RFTN1: variants seen among roughly 807,000 people sequenced by gnomAD.
RFTN1 encodes the protein raftlin, lipid raft linker 1, also known as raftlin.
RFTN1 carries 26 observed loss-of-function variants against 46.5 expected under a neutral mutation model. The ratio of observed to expected loss-of-function variants is 0.56; its 90% CI spans 0.41 to 0.78. The LOEUF (loss-of-function observed/expected upper bound fraction) is 0.78. Ranked by LOEUF, RFTN1 falls within the 30% of genes least tolerant of loss-of-function variation. The pLI is 0.00. For missense variants in RFTN1, 693 were observed against 718.7 expected (o/e 0.96, Z 0.41); for synonymous variants, 261 against 284.2 (o/e 0.92, Z 0.82).
intron 6 of RFTN1, among the ~76,000 whole-genome samples, chr3:16,367,100 C>T (rs2073233433): frequency 6.6e-6 from 1 of 152,246 alleles, no homozygotes; most frequent in South Asian, 2.1e-4. Context: ...ACACAGTTCT[C>T]ATGAGCTTTA....
Position 16,356,184 on chromosome 3 carries a change from G to C in RFTN1, c.1146+1748C>G, listed in dbSNP as rs1341894698. Among the ~76,000 whole-genome samples, 2 of 152,182 alleles carry C rather than the reference G, an allele frequency of 1.3e-5. No homozygotes were observed. Among genetic ancestry groups the C allele is most frequent in the Non-Finnish European group, 2.9e-5 (2 of 68,032 alleles). On this transcript the variant is annotated intron_variant, in intron 7 of 9. Coordinates refer to ENST00000334133, the MANE Select transcript of RFTN1 (RefSeq NM_015150.2). This position sits in a 1 kb window ranked among gnomAD's most constrained non-coding sequence, Gnocchi z 4.9. ...AGGACAGGGTCCTGAGAGGTGACAG[G>C]ACCTGCCCACACTCGCTTGGCATCT...
In RFTN1 at chr3:16,507,702, T is replaced by C. The variant is rs1197682811; in HGVS notation, c.-9+5740A>G. ...ACATAAACACACACATACACACACA[T>C]ACATACACATACACACATACACACA... On this transcript the variant is annotated intron_variant, in intron 1 of 9. Transcript: ENST00000334133. This position sits in a 1 kb window ranked among gnomAD's most constrained non-coding sequence, Gnocchi z 7.1. 1.4e-5 allele frequency among the ~76,000 whole-genome samples: 2 copies of C among 148,090 alleles called. No homozygotes were observed. Among genetic ancestry groups the C allele is most frequent in the East Asian group, 2.0e-4 (1 of 5,084 alleles).
chr3:16,427,108 G>A lies in RFTN1; in HGVS notation c.332+6743C>T, dbSNP rs1157585131. 6.6e-6 allele frequency among the ~76,000 whole-genome samples: 1 copy of A among 152,218 alleles called. No homozygotes were observed. Among genetic ancestry groups the A allele is most frequent in the Non-Finnish European group, 1.5e-5 (1 of 68,044 alleles). ...CAGAAATCTTAGAGGCTGCAAGATGGCAGCCAGTGGCATGGGTTAGGGACA... is the reference window on the plus strand; with the variant it reads ...CAGAAATCTTAGAGGCTGCAAGATGACAGCCAGTGGCATGGGTTAGGGACA... On this transcript the variant is annotated intron_variant, in intron 3 of 9. Coordinates refer to ENST00000334133, the MANE Select transcript of RFTN1 (RefSeq NM_015150.2). The surrounding 1 kb of genome is among the most constrained non-coding windows in gnomAD (Gnocchi z 5.4).
chr3:16,332,097 C>T (rs535163919), intron 7 of RFTN1, among the ~76,000 whole-genome samples: 1 of 151,616 alleles, frequency 6.6e-6, no homozygotes, highest in Non-Finnish European at 1.5e-5. Flanking sequence ...TGGTGTGGGT[C>T]TTTTTTACTC....
Position 16,327,060 on chromosome 3 carries a change from G to A in RFTN1, c.1147-184C>T, listed in dbSNP as rs1443007072. ...AAGTTTGGAGTCAAACTGCCAACAT[G>A]GGATTTCCTTCTGGGCCCCATTTCA... On this transcript the variant is annotated intron_variant, in intron 7 of 9. Transcript: ENST00000334133. The surrounding 1 kb of genome is among the most constrained non-coding windows in gnomAD (Gnocchi z 4.2). Among the ~76,000 whole-genome samples the A allele has an allele frequency of 6.6e-6, 1 of 152,202 alleles. No homozygotes were observed. Among genetic ancestry groups the A allele is most frequent in the Non-Finnish European group, 1.5e-5 (1 of 68,030 alleles).
At chr3:16,378,138 T>G (rs2073851222) in intron 4 of RFTN1, 36 bp from the exon 5 acceptor site, 2 of 1,570,168 alleles carry the variant, frequency 1.3e-6, no homozygotes, top group Non-Finnish European at 1.7e-6. Context: ...AACAAGTGAA[T>G]GAAATGGTCT....
At chr3:16,372,746 CAG>C (rs1316990974) in intron 5 of RFTN1, among the ~76,000 whole-genome samples, 1 of 152,218 alleles carries the variant, frequency 6.6e-6, no homozygotes, top group African/African-American at 2.4e-5. Context: ...CGGAGGAAGA[CAG>C]AGACCCTCAG....
In RFTN1 at chr3:16,383,407, A is replaced by G. The variant is rs1385778219; in HGVS notation, c.442-5305T>C. Among the ~76,000 whole-genome samples, 1 of 152,256 alleles carries G rather than the reference A, an allele frequency of 6.6e-6. No individual in the cohort carries two copies. The highest frequency in any genetic ancestry group is 2.4e-5 in the African/African-American group (1 of 41,470). On this transcript the variant is annotated intron_variant, in intron 4 of 9. Coordinates refer to ENST00000334133, the MANE Select transcript of RFTN1 (RefSeq NM_015150.2). The surrounding 1 kb of genome is among the most constrained non-coding windows in gnomAD (Gnocchi z 4.0). Reference sequence around the variant, plus strand: ...ATCCACAACTTCACTCAGTTGCTCTATAATAAGTAAGGACATGCTCCACTG... The same window carrying G: ...ATCCACAACTTCACTCAGTTGCTCTGTAATAAGTAAGGACATGCTCCACTG...
chr3:16,337,480 A>G lies in RFTN1; in HGVS notation c.1147-10604T>C, dbSNP rs1559831501. On this transcript the variant is annotated intron_variant, in intron 7 of 9. Coordinates refer to ENST00000334133, the MANE Select transcript of RFTN1 (RefSeq NM_015150.2). The surrounding 1 kb of genome is among the most constrained non-coding windows in gnomAD (Gnocchi z 5.0). ...GATTTGTGGCCGGGCTCAGTGGCTC[A>G]CGCCTGTAATCTCTGCACTTTGGGA... 1 of 152,236 alleles carries G rather than the reference A, an allele frequency of 6.6e-6. No individual in the cohort carries two copies. Among genetic ancestry groups the G allele is most frequent in the Non-Finnish European group, 1.5e-5 (1 of 68,066 alleles). The allele number at this position is 152,236 out of a possible 1,614,324, so 9.4% of individuals were successfully genotyped here.
chr3:16,466,169 G>T lies in RFTN1; in HGVS notation c.145+27556C>A, dbSNP rs372524303. 6.6e-6 allele frequency among the ~76,000 whole-genome samples: 1 copy of T among 152,064 alleles called. No homozygotes were observed. Among genetic ancestry groups the T allele is most frequent in the Non-Finnish European group, 1.5e-5 (1 of 68,006 alleles). The stretch of plus-strand genomic sequence containing the variant: ...AATCTTGCATCTCTCATCACATTCC[G>T]TTTTCAGCCACTGTCTGCCTAGCAC... On this transcript the variant is annotated intron_variant, in intron 2 of 9. Coordinates refer to ENST00000334133, the MANE Select transcript of RFTN1 (RefSeq NM_015150.2). This position sits in a 1 kb window ranked among gnomAD's most constrained non-coding sequence, Gnocchi z 5.6.
In RFTN1 at chr3:16,506,261, A is replaced by T. The variant is rs1368499748; in HGVS notation, c.-9+7181T>A. Among the ~76,000 whole-genome samples, 1 of 152,114 alleles carries T rather than the reference A, an allele frequency of 6.6e-6. No homozygotes were observed. ...GCTAGGCAAGGCAGTGGCAGGTGCA[A>T]ACAAGCTGGGGTGTGGGGCCCCTGG... On this transcript the variant is annotated intron_variant, in intron 1 of 9. Transcript: ENST00000334133. This position sits in a 1 kb window ranked among gnomAD's most constrained non-coding sequence, Gnocchi z 4.8.
intron 6 of RFTN1, among the ~76,000 whole-genome samples, chr3:16,367,339 G>A (rs192792529): frequency 3.9e-5 from 6 of 152,154 alleles, no homozygotes; most frequent in East Asian, 1.9e-4. Flanking sequence ...CCTGGCCAAC[G>A]GAAACCTTGG....
chr3:16,418,156 T>G lies in RFTN1; in HGVS notation c.333-8673A>C, dbSNP rs1216316567. Among the ~76,000 whole-genome samples the G allele has an allele frequency of 6.6e-6, 1 of 152,126 alleles. No homozygotes were observed. Among genetic ancestry groups the G allele is most frequent in the Non-Finnish European group, 1.5e-5 (1 of 68,024 alleles). Reference sequence around the variant, plus strand: ...TTGGTAATTATCACAGGCAAAACAGTTAACCCTCAAATCACTGACAAAGTG... The same window carrying G: ...TTGGTAATTATCACAGGCAAAACAGGTAACCCTCAAATCACTGACAAAGTG... On this transcript the variant is annotated intron_variant, in intron 3 of 9. Transcript: ENST00000334133. This position sits in a 1 kb window ranked among gnomAD's most constrained non-coding sequence, Gnocchi z 5.0.
In RFTN1 at chr3:16,400,831, C is replaced by T. The variant is rs930319541; in HGVS notation, c.441+8544G>A. ...GAACTTCATAAGAAAACAGCGGCCT[C>T]CAGGCAGTAGCTCCTGCATTTTTTC... On this transcript the variant is annotated intron_variant, in intron 4 of 9. Coordinates refer to ENST00000334133, the MANE Select transcript of RFTN1 (RefSeq NM_015150.2). This position sits in a 1 kb window ranked among gnomAD's most constrained non-coding sequence, Gnocchi z 4.5. Among the ~76,000 whole-genome samples the T allele has an allele frequency of 6.6e-6, 1 of 152,080 alleles. No homozygotes were observed. The highest frequency in any genetic ancestry group is 2.4e-5 in the African/African-American group (1 of 41,412).
At chr3:16,417,218 C>T (rs990583907) in intron 3 of RFTN1, among the ~76,000 whole-genome samples, 35 of 151,494 alleles carry the variant, frequency 2.3e-4, no homozygotes, top group African/African-American at 7.5e-4. Context: ...GTTCTCCCTA[C>T]GTTGCCCAGG....
Position 16,335,767 on chromosome 3 carries a change from C to G in RFTN1, c.1147-8891G>C, listed in dbSNP as rs961556398. ...AGCCTGCATATCCTGCACTTGCACC[C>G]TGGAACTTTAAAAAAAAAAAAAAAA... On this transcript the variant is annotated intron_variant, in intron 7 of 9. Coordinates refer to ENST00000334133, the MANE Select transcript of RFTN1 (RefSeq NM_015150.2). The surrounding 1 kb of genome is among the most constrained non-coding windows in gnomAD (Gnocchi z 4.7). Among the ~76,000 whole-genome samples, 1 of 144,770 alleles carries G rather than the reference C, an allele frequency of 6.9e-6. No individual in the cohort carries two copies. The highest frequency in any genetic ancestry group is 2.7e-5 in the African/African-American group (1 of 37,128). The allele number at this position is 144,770 out of a possible 152,430, so 95.0% of individuals were successfully genotyped here. A position where few individuals can be genotyped will look rare whatever the true frequency, so the allele number is the denominator to read the frequency against.
Position 16,493,797 on chromosome 3 carries a change from T to C in RFTN1, c.73A>G (p.Arg25Gly). ...RPGNIYSTLK[R>G]PQVETKIDVS... The stretch of plus-strand genomic sequence containing the variant: ...TCTATCTTGGTTTCCACCTGAGGCC[T>C]CTTCAAAGTTGAATAAATATTCCCA... Residue 25 changes from arginine to glycine, a missense_variant, in exon 2 of 10, where the codon AGG becomes GGG. Coordinates refer to ENST00000334133, the MANE Select transcript of RFTN1 (RefSeq NM_015150.2). 2 of 1,614,108 alleles carry C rather than the reference T, an allele frequency of 1.2e-6. No homozygotes were observed. The highest frequency in any genetic ancestry group is 2.2e-5 in the East Asian group (1 of 44,868).
Position 16,400,187 on chromosome 3 carries a change from C to A in RFTN1, c.441+9188G>T, listed in dbSNP as rs189059538. Among the ~76,000 whole-genome samples the A allele has an allele frequency of 1.6e-3, 248 of 152,316 alleles. No individual in the cohort carries two copies. The highest frequency in any genetic ancestry group is 5.8e-3 in the African/African-American group (241 of 41,570). Reference sequence around the variant, plus strand: ...GGACCCGACTCACTCTCCAGCCTCACTCCACCTCACTCACCCCTCTGTCAT... The same window carrying A: ...GGACCCGACTCACTCTCCAGCCTCAATCCACCTCACTCACCCCTCTGTCAT... On this transcript the variant is annotated intron_variant, in intron 4 of 9. Transcript: ENST00000334133. The surrounding 1 kb of genome is among the most constrained non-coding windows in gnomAD (Gnocchi z 4.5).
At chr3:16,417,468 A>G (rs928624475) in intron 3 of RFTN1, among the ~76,000 whole-genome samples, 4 of 152,234 alleles carry the variant, frequency 2.6e-5, no homozygotes, top group African/African-American at 9.6e-5. Flanking sequence ...TTGTACACAA[A>G]TGTCAACACA....
Sources: gnomAD v4.1 joint callset for allele counts (sites outside exome capture counted in the v4.1 genomes callset) on GRCh38, gnomAD v4.1.1 for gene constraint, Gnocchi (gnomAD v3.1) non-coding constraint, MANE v1.5 for transcripts, NCBI Gene and HGNC (gene_info 2026-07-23, HGNC 2026-07-21) for gene names.